The following HEMK2 variants were observed in gnomAD, a reference collection of about 807,000 sequenced individuals.
HEMK2 encodes the protein HemK methyltransferase 2, ETF1 glutamine and histone H4 lysine.
At chr21:28,710,412 T>C in the HEMK2 span, among the ~76,000 whole-genome samples, 1 of 152,212 alleles carries the variant, frequency 6.6e-6, no homozygotes, top group African/African-American at 2.4e-5. Flanking sequence ...CTTTACCTCT[T>C]TTTTACTTTA....
the HEMK2 span, among the ~76,000 whole-genome samples, chr21:28,789,270 C>T: frequency 6.6e-6 from 1 of 152,052 alleles, no homozygotes; most frequent in Non-Finnish European, 1.5e-5. Context: ...TAATGCCCTA[C>T]TGCTTTCTAT....
the HEMK2 span, among the ~76,000 whole-genome samples, chr21:28,689,494 A>G: frequency 1.3e-5 from 2 of 152,166 alleles, no homozygotes; most frequent in Admixed American, 6.5e-5. Flanking sequence ...ACCAGCATGT[A>G]TATCTCAGTA....
chr21:28,578,729 G>A, the HEMK2 span, among the ~76,000 whole-genome samples: 1 of 152,144 alleles, frequency 6.6e-6, no homozygotes, highest in Non-Finnish European at 1.5e-5. Flanking sequence ...GTTTGATAGG[G>A]GACCTTATCC....
chr21:28,771,913 G>A, the HEMK2 span, among the ~76,000 whole-genome samples: 1 of 151,994 alleles, frequency 6.6e-6, no homozygotes, highest in South Asian at 2.1e-4. Flanking sequence ...AAAGGGGCTA[G>A]GGGTGAGGAG....
the HEMK2 span, among the ~76,000 whole-genome samples, chr21:28,779,210 T>C: frequency 6.6e-6 from 1 of 152,162 alleles, no homozygotes; most frequent in Non-Finnish European, 1.5e-5. Context: ...GGAAGTAAAC[T>C]AAGTGTTCAT....
At chr21:28,797,605 ACT>A in the HEMK2 span, among the ~76,000 whole-genome samples, 1 of 150,736 alleles carries the variant, frequency 6.6e-6, no homozygotes, top group South Asian at 2.1e-4. Context: ...ACAGTATGAG[ACT>A]CTGTCTCAAA....
At chr21:28,841,101 T>TATTATATATTA in the HEMK2 span, among the ~76,000 whole-genome samples, 1 of 41,232 alleles carries the variant, frequency 2.4e-5, no homozygotes, top group African/African-American at 1.4e-4. Context: ...ATATTATATA[T>TATTATATATTA]TATATAATAA....
the HEMK2 span, among the ~76,000 whole-genome samples, chr21:28,628,151 C>T: frequency 6.6e-6 from 1 of 151,314 alleles, no homozygotes; most frequent in East Asian, 2.0e-4. Context: ...ACCTGGGTAC[C>T]CTCCACTAGT....
the HEMK2 span, among the ~76,000 whole-genome samples, chr21:28,840,218 G>A: frequency 6.6e-6 from 1 of 152,148 alleles, no homozygotes; most frequent in Non-Finnish European, 1.5e-5. Context: ...ATCAACTTAA[G>A]TTGGATTAAG....
the HEMK2 span, among the ~76,000 whole-genome samples, chr21:28,774,714 A>C: frequency 6.6e-6 from 1 of 152,182 alleles, no homozygotes; most frequent in Non-Finnish European, 1.5e-5. Context: ...TCTCATAAAA[A>C]CCCTACCAAG....
At chr21:28,860,408 T>C in the HEMK2 span, among the ~76,000 whole-genome samples, 8 of 151,744 alleles carry the variant, frequency 5.3e-5, no homozygotes, top group South Asian at 1.2e-3. Context: ...TGAAGGGACC[T>C]TGTGATTGTG....
the HEMK2 span, among the ~76,000 whole-genome samples, chr21:28,802,004 G>A: frequency 6.6e-6 from 1 of 152,050 alleles, no homozygotes; most frequent in Admixed American, 6.6e-5. Flanking sequence ...TATAAGCTTT[G>A]GCTAAGCAAT....
the HEMK2 span, among the ~76,000 whole-genome samples, chr21:28,789,617 C>T: frequency 6.6e-6 from 1 of 152,186 alleles, no homozygotes; most frequent in Non-Finnish European, 1.5e-5. Context: ...TCTTTCTTGG[C>T]ATTAAATGAT....
the HEMK2 span, among the ~76,000 whole-genome samples, chr21:28,744,329 TC>T: frequency 6.6e-6 from 1 of 151,990 alleles, no homozygotes; most frequent in Non-Finnish European, 1.5e-5. Context: ...GGAAAAACTG[TC>T]CCCAGAAGTG....
chr21:28,771,021 G>A, the HEMK2 span, among the ~76,000 whole-genome samples: 4 of 151,894 alleles, frequency 2.6e-5, no homozygotes, highest in Admixed American at 6.6e-5. Flanking sequence ...ACACACACAC[G>A]CGCAACTTAC....
the HEMK2 span, among the ~76,000 whole-genome samples, chr21:28,592,703 G>A: frequency 2.6e-5 from 4 of 152,156 alleles, no homozygotes; most frequent in South Asian, 8.3e-4. Flanking sequence ...ATAAAATACA[G>A]CATACAATAA....
At chr21:28,737,906 C>T in the HEMK2 span, among the ~76,000 whole-genome samples, 1 of 152,122 alleles carries the variant, frequency 6.6e-6, no homozygotes, top group Non-Finnish European at 1.5e-5. Context: ...GGATGACCTA[C>T]GAAGTAAAGA....
chr21:28,863,766 C>T, the HEMK2 span, among the ~76,000 whole-genome samples: 2 of 152,096 alleles, frequency 1.3e-5, no homozygotes, highest in African/African-American at 4.8e-5. Flanking sequence ...ACCGTAGAAA[C>T]TGTTCTTATT....
the HEMK2 span, among the ~76,000 whole-genome samples, chr21:28,628,744 G>A: frequency 3.3e-5 from 5 of 152,188 alleles, no homozygotes; most frequent in Admixed American, 6.5e-5. Context: ...GTGAGCCACC[G>A]CGCCCAGCCT....
Sources: allele counts gnomAD v4.1 joint callset (sites outside exome capture counted in the v4.1 genomes callset), GRCh38; gene constraint gnomAD v4.1.1; transcripts MANE v1.5; gene names NCBI Gene and HGNC (gene_info 2026-07-23, HGNC 2026-07-21).